CDH13: variants seen among roughly 807,000 people sequenced by gnomAD.
CDH13 encodes cadherin 13, also known as cadherin-13.
In CDH13, 24 loss-of-function variants were observed where a neutral mutation model predicts 63.8. That is an observed-to-expected ratio of 0.38 (90% CI 0.27 to 0.53). The LOEUF is 0.53. Among genes scored for constraint, CDH13 ranks in the 20% least tolerant of loss-of-function variants. CDH13 has a pLI of 0.85. For synonymous variants in CDH13, 503 were observed against 355.3 expected, an observed-to-expected ratio of 1.42 and a Z score of -4.67; for missense variants, 1,049 against 903.1, an observed-to-expected ratio of 1.16 and a Z score of -2.07.
chr16:83,380,505 C>T (rs2091542802), intron 6 of CDH13, among the ~76,000 whole-genome samples: 1 of 152,054 alleles, frequency 6.6e-6, no homozygotes, highest in Non-Finnish European at 1.5e-5. Flanking sequence ...GACTTAGCTG[C>T]ATGTAAAAGA....
At chr16:83,624,855 C>T (rs4782548) in intron 8 of CDH13, among the ~76,000 whole-genome samples, 1 of 152,018 alleles carries the variant, frequency 6.6e-6, no homozygotes, top group Non-Finnish European at 1.5e-5. Flanking sequence ...CCCATCTACT[C>T]CAGATCCTAT....
intron 7 of CDH13, among the ~76,000 whole-genome samples, chr16:83,530,151 G>A (rs372349722): frequency 6.6e-6 from 1 of 152,162 alleles, no homozygotes; most frequent in African/African-American, 2.4e-5. Flanking sequence ...TTTGAAATGA[G>A]CATTTTGGGG....
intron 7 of CDH13, among the ~76,000 whole-genome samples, chr16:83,561,275 C>T (rs1017185573): frequency 1.3e-5 from 2 of 149,906 alleles, no homozygotes; most frequent in Admixed American, 6.6e-5. Flanking sequence ...GGAGAAATCC[C>T]ATCTCTACTA....
chr16:83,269,141 C>G (rs2088717958), intron 5 of CDH13, among the ~76,000 whole-genome samples: 1 of 152,184 alleles, frequency 6.6e-6, no homozygotes, highest in Non-Finnish European at 1.5e-5. Flanking sequence ...AGCTGCTTTT[C>G]TCTCCTAGTT....
intron 1 of CDH13, among the ~76,000 whole-genome samples, chr16:82,686,160 GAGAACA>G (rs1915050239): frequency 1.3e-5 from 2 of 152,182 alleles, no homozygotes; most frequent in South Asian, 4.1e-4. Context: ...ATCATTTGCA[GAGAACA>G]TGTGTTTTGT....
At position 82,635,832 on chromosome 16, in the gene CDH13, T is replaced by G. The variant is rs187134969; in HGVS notation, c.45+8695T>G. ...ATCAGAGGGCGGATTTCTCCTTGCT[T>G]TAATCGTGATAGTGAGTTCTCACAA... On this transcript the variant is annotated intron_variant, in intron 1 of 13. Coordinates refer to ENST00000567109, the MANE Select transcript of CDH13 (RefSeq NM_001257.5). Among the ~76,000 whole-genome samples, 536 of 152,198 alleles carry G rather than the reference T, an allele frequency of 3.5e-3. 15 individuals are homozygous for G. Among genetic ancestry groups the G allele is most frequent in the Non-Finnish European group, 6.9e-4 (47 of 68,006 alleles).
chr16:82,921,623 T>C (rs983822337), intron 2 of CDH13, among the ~76,000 whole-genome samples: 4 of 152,264 alleles, frequency 2.6e-5, no homozygotes, highest in Admixed American at 2.6e-4. Context: ...ATCAGTCTAC[T>C]AACTATGTTA....
intron 7 of CDH13, among the ~76,000 whole-genome samples, chr16:83,593,784 C>G (rs1370722130): frequency 6.6e-6 from 1 of 152,086 alleles, no homozygotes; most frequent in African/African-American, 2.4e-5. Flanking sequence ...AGCCTCTAAA[C>G]AAGAAAAGGC....
At chr16:83,147,028 C>T (rs973827144) in intron 4 of CDH13, among the ~76,000 whole-genome samples, 1 of 152,146 alleles carries the variant, frequency 6.6e-6, no homozygotes, top group African/African-American at 2.4e-5. Flanking sequence ...GTGGAGGCTA[C>T]AGTGAGATGA....
At chr16:83,433,486 G>T (rs1015257868) in intron 6 of CDH13, among the ~76,000 whole-genome samples, 1 of 152,228 alleles carries the variant, frequency 6.6e-6, no homozygotes, top group Non-Finnish European at 1.5e-5. Flanking sequence ...CCCATGTAAA[G>T]AGCATCATTG....
At position 83,142,009 on chromosome 16, in the gene CDH13, GT is replaced by G. The variant is rs570149440; in HGVS notation, c.483+16509del. On this transcript the variant is annotated intron_variant, in intron 4 of 13. Coordinates refer to ENST00000567109, the MANE Select transcript of CDH13 (RefSeq NM_001257.5). The stretch of plus-strand genomic sequence containing the variant: ...AGCACTGGCTGAAAAGCCCCAGAAA[GT>G]GGGGATGTACCAGTACAAGTTTCCC... Among the ~76,000 whole-genome samples, 558 of 152,310 alleles carry G rather than the reference GT, an allele frequency of 3.7e-3. 3 individuals are homozygous for G. Among genetic ancestry groups the G allele is most frequent in the African/African-American group, 0.013 (541 of 41,580 alleles).
chr16:83,704,674 AT>A (rs1906740302), intron 10 of CDH13, among the ~76,000 whole-genome samples: 1 of 152,222 alleles, frequency 6.6e-6, no homozygotes, highest in Non-Finnish European at 1.5e-5. Context: ...TATCCTTAGA[AT>A]TGAATTTAAG....
At chr16:82,834,403 C>G (rs1465018474) in intron 1 of CDH13, among the ~76,000 whole-genome samples, 1 of 152,116 alleles carries the variant, frequency 6.6e-6, no homozygotes, top group African/African-American at 2.4e-5. Context: ...AGCATCTATT[C>G]AGGGCCAAGA....
At chr16:83,286,902 A>G (rs143926525) in intron 5 of CDH13, among the ~76,000 whole-genome samples, 2 of 152,032 alleles carry the variant, frequency 1.3e-5, no homozygotes, top group African/African-American at 4.8e-5. Context: ...AAAGTGAAGC[A>G]AGGGCTGGAT....
At chr16:82,848,408 C>T (rs551295877) in intron 1 of CDH13, among the ~76,000 whole-genome samples, 1 of 152,220 alleles carries the variant, frequency 6.6e-6, no homozygotes, top group Admixed American at 6.5e-5. Flanking sequence ...GACAACTCTG[C>T]ACTGAGCAAG....
chr16:83,388,808 C>T (rs1387156904), intron 6 of CDH13, among the ~76,000 whole-genome samples: 1 of 152,194 alleles, frequency 6.6e-6, no homozygotes, highest in African/African-American at 2.4e-5. Context: ...CTACATTAGC[C>T]TCACCTGGGT....
chr16:82,874,500 G>T (rs754226008), intron 2 of CDH13, among the ~76,000 whole-genome samples: 2 of 151,354 alleles, frequency 1.3e-5, no homozygotes, highest in Admixed American at 6.6e-5. Context: ...TCCATTTGAA[G>T]CCAAAACGAT....
intron 11 of CDH13, among the ~76,000 whole-genome samples, chr16:83,775,384 T>G (rs1280951674): frequency 1.3e-5 from 2 of 149,888 alleles, no homozygotes; most frequent in African/African-American, 4.8e-5. Context: ...GTTGAAGACC[T>G]GAAAGCTGGA....
chr16:83,584,860 A>C (rs940053925), intron 7 of CDH13, among the ~76,000 whole-genome samples: 18 of 152,182 alleles, frequency 1.2e-4, no homozygotes, highest in Non-Finnish European at 2.6e-4. Flanking sequence ...GGCAGAGGGC[A>C]AAGCGGGAGT....
Sources: allele counts gnomAD v4.1 joint callset (sites outside exome capture counted in the v4.1 genomes callset), GRCh38; gene constraint gnomAD v4.1.1; transcripts MANE v1.5; gene names NCBI Gene and HGNC (gene_info 2026-07-23, HGNC 2026-07-21).